ATG10: variants seen among roughly 807,000 people sequenced by gnomAD.
The protein encoded by ATG10 is autophagy related 10.
In ATG10, 30 loss-of-function variants were observed where a neutral mutation model predicts 32.1. The observed-to-expected ratio is 0.94, with a 90% confidence interval of 0.70 to 1.27. ATG10 has a LOEUF of 1.27. Ranked by LOEUF, ATG10 falls within the 50% of genes most tolerant of loss-of-function variation. The pLI, the probability that ATG10 is intolerant of heterozygous loss-of-function variation, is 0.00. For missense variants in ATG10, 233 were observed against 262.3 expected, an observed-to-expected ratio of 0.89 and a Z score of 0.77; for synonymous variants, 87 against 91.5, an observed-to-expected ratio of 0.95 and a Z score of 0.28.
chr5:82,075,125 A>G (rs907328277), intron 3 of ATG10, among the ~76,000 whole-genome samples: 1 of 152,192 alleles, frequency 6.6e-6, no homozygotes, highest in Non-Finnish European at 1.5e-5. Context: ...AAGATATCAT[A>G]GGAATGAAAA....
chr5:82,252,739 G>A, intron 6 of ATG10, 80 bp downstream of exon 6: 3 of 783,554 alleles, frequency 3.8e-6, no homozygotes, highest in Non-Finnish European at 6.3e-6. Context: ...CTAAATGCTA[G>A]GCTAAAAAAG....
chr5:82,149,313 C>T (rs937151210), intron 3 of ATG10, among the ~76,000 whole-genome samples: 2 of 151,878 alleles, frequency 1.3e-5, no homozygotes, highest in Non-Finnish European at 2.9e-5. Context: ...TTCTTTCTGT[C>T]TCACTTCCCT....
intron 3 of ATG10, among the ~76,000 whole-genome samples, chr5:82,159,437 G>C (rs1743217042): frequency 6.6e-6 from 1 of 152,154 alleles, no homozygotes; most frequent in African/African-American, 2.4e-5. Flanking sequence ...GAAGTGTATT[G>C]TTGTTTGTAT....
chr5:82,123,437 A>G (rs116560371), intron 3 of ATG10, among the ~76,000 whole-genome samples: 5,768 of 152,094 alleles, frequency 0.038, 248 homozygotes, highest in African/African-American at 0.11. Context: ...TACATGAGTG[A>G]TGAAATAATC....
At chr5:82,190,455 A>G (rs1477126796) in intron 5 of ATG10, among the ~76,000 whole-genome samples, 2 of 152,018 alleles carry the variant, frequency 1.3e-5, no homozygotes, top group African/African-American at 4.8e-5. Flanking sequence ...ATTTAAATAC[A>G]TCTTCATTTT....
Position 82,127,612 on chromosome 5 carries a change from C to T in ATG10, c.217-36787C>T, listed in dbSNP as rs546763523. 5.9e-5 allele frequency among the ~76,000 whole-genome samples: 9 copies of T among 152,232 alleles called. No individual in the cohort carries two copies. In the South Asian group the frequency reaches 1.7e-3, roughly 28 times the overall value. The stretch of plus-strand genomic sequence containing the variant: ...TGCGGTTTTGAGTGAGTTTCTTCTT[C>T]TTGAGTTCTAATATAGATTGCACTG... On this transcript the variant is annotated intron_variant, in intron 3 of 7. Coordinates refer to ENST00000282185, the MANE Select transcript of ATG10 (RefSeq NM_031482.5).
rs116604829 is a variant in ATG10 at position 82,150,078 on chromosome 5, G to A, written c.217-14321G>A. ...TGTTGTAGCTCCTTATCTTTTTTAT[G>A]ATACACCTATTGCTGTGGGTATAGT... is the stretch of plus-strand genomic sequence containing the variant. On this transcript the variant is annotated intron_variant, in intron 3 of 7. Coordinates refer to ENST00000282185, the MANE Select transcript of ATG10 (RefSeq NM_031482.5). Among the ~76,000 whole-genome samples the A allele has an allele frequency of 1.8e-3, 281 of 152,092 alleles. 1 individual carries two copies. The highest frequency in any genetic ancestry group is 2.5e-3 in the Non-Finnish European group (169 of 68,004).
intron 3 of ATG10, among the ~76,000 whole-genome samples, chr5:82,146,575 T>C (rs769270801): frequency 1.3e-5 from 2 of 151,788 alleles, no homozygotes; most frequent in Non-Finnish European, 2.9e-5. Context: ...GTTCTGAAAT[T>C]GTCCCACATG....
intron 5 of ATG10, among the ~76,000 whole-genome samples, chr5:82,192,610 T>C (rs1381993713): frequency 1.3e-5 from 2 of 152,212 alleles, no homozygotes; most frequent in African/African-American, 4.8e-5. Flanking sequence ...AGGAATATTA[T>C]GAGGATGATT....
intron 3 of ATG10, among the ~76,000 whole-genome samples, chr5:82,136,979 C>A (rs1766782289): frequency 6.6e-6 from 1 of 151,946 alleles, no homozygotes; most frequent in Non-Finnish European, 1.5e-5. Flanking sequence ...TCTCTGATAT[C>A]CTTTCTTCCG....
At chr5:82,014,277 AT>A (rs1762213770) in intron 2 of ATG10, among the ~76,000 whole-genome samples, 1 of 152,122 alleles carries the variant, frequency 6.6e-6, no homozygotes, top group African/African-American at 2.4e-5. Flanking sequence ...AATAAGTGCG[AT>A]GTGGTGCTGA....
intron 3 of ATG10, among the ~76,000 whole-genome samples, chr5:82,093,548 T>C (rs1490038676): frequency 6.6e-6 from 1 of 152,218 alleles, no homozygotes; most frequent in East Asian, 1.9e-4. Context: ...CCACCTGTTT[T>C]TGTAAATAGT....
chr5:82,207,988 G>T (rs1745363487), intron 5 of ATG10, among the ~76,000 whole-genome samples: 1 of 152,068 alleles, frequency 6.6e-6, no homozygotes, highest in Non-Finnish European at 1.5e-5. Context: ...GAGCCACTGG[G>T]AACTAGTTTT....
chr5:82,178,875 C>G (rs1744132710), intron 5 of ATG10, among the ~76,000 whole-genome samples: 3 of 152,068 alleles, frequency 2.0e-5, no homozygotes, highest in Admixed American at 2.0e-4. Context: ...TCTGTCTTCT[C>G]CACTATACAG....
chr5:82,029,573 G>T (rs1048433610), intron 2 of ATG10, among the ~76,000 whole-genome samples: 4 of 152,184 alleles, frequency 2.6e-5, no homozygotes, highest in Admixed American at 2.6e-4. Context: ...AGTATAACTT[G>T]TCTGTGTCTT....
At chr5:81,984,096 A>G (rs1487159115) in intron 1 of ATG10, among the ~76,000 whole-genome samples, 1 of 152,228 alleles carries the variant, frequency 6.6e-6, no homozygotes, top group Admixed American at 6.5e-5. Flanking sequence ...TGGAGGCTGC[A>G]GCGAGCCGAG....
chr5:82,233,222 T>C (rs938031505), intron 5 of ATG10, among the ~76,000 whole-genome samples: 3 of 152,182 alleles, frequency 2.0e-5, no homozygotes, highest in Non-Finnish European at 2.9e-5. Context: ...ATAATATTTT[T>C]CCTATCACAT....
intron 5 of ATG10, among the ~76,000 whole-genome samples, chr5:82,199,215 C>A (rs1457136465): frequency 6.6e-6 from 1 of 152,148 alleles, no homozygotes; most frequent in Non-Finnish European, 1.5e-5. Flanking sequence ...TTCCTGGATA[C>A]ATATTTACTG....
chr5:82,222,451 T>C (rs1745966480), intron 5 of ATG10, among the ~76,000 whole-genome samples: 1 of 152,200 alleles, frequency 6.6e-6, no homozygotes, highest in African/African-American at 2.4e-5. Flanking sequence ...TCCTAGCACA[T>C]AGTATGCAAT....
Sources: allele counts gnomAD v4.1 joint callset (sites outside exome capture counted in the v4.1 genomes callset), GRCh38; gene constraint gnomAD v4.1.1; transcripts MANE v1.5; gene names NCBI Gene and HGNC (gene_info 2026-07-23, HGNC 2026-07-21).